GLS: variants seen among roughly 807,000 people sequenced by gnomAD.
GLS encodes glutaminase kidney isoform, mitochondrial.
In GLS, 36 loss-of-function variants were observed where a neutral mutation model predicts 86.7. The observed-to-expected ratio is 0.42, with a 90% CI of 0.32 to 0.55. The LOEUF (loss-of-function observed/expected upper bound fraction) is 0.55, where lower values mean the gene tolerates loss of function less well. Ranked by LOEUF, GLS falls within the 20% of genes least tolerant of loss-of-function variation. GLS has a pLI of 0.17. For missense variants in GLS, 528 were observed against 833.4 expected, an observed-to-expected ratio of 0.63 and a Z score of 4.51; for synonymous variants, 317 against 305.9, an observed-to-expected ratio of 1.04 and a Z score of -0.38.
intron 7 of GLS, chr2:190,919,975 C>T (rs1270293648): frequency 1.3e-5 from 2 of 151,944 alleles, no homozygotes; most frequent in Admixed American, 1.3e-4. Flanking sequence ...TTGTCAGCCA[C>T]ACTCTAATCC....
chr2:190,885,834 A>G (rs1688360953), intron 1 of GLS, among the ~76,000 whole-genome samples: 1 of 151,342 alleles, frequency 6.6e-6, no homozygotes, highest in Non-Finnish European at 1.5e-5. Context: ...GGTGATGATT[A>G]TCAGTGAGTT....
At position 190,949,504 on chromosome 2, in the gene GLS, G is replaced by A. The variant is rs1238035180; in HGVS notation, c.1651-4061G>A. The stretch of plus-strand genomic sequence containing the variant: ...AGGTCGGGAGTTTGGGACCAGCCTG[G>A]CCAACCTAGTGAAACCCCGTCTCTA... On this transcript the variant is annotated intron_variant, in intron 14 of 17. Transcript: ENST00000320717. This position sits in a 1 kb window ranked among gnomAD's most constrained non-coding sequence, Gnocchi z 4.0. Among the ~76,000 whole-genome samples the A allele has an allele frequency of 1.3e-5, 2 of 152,066 alleles. No homozygotes were observed. The highest frequency in any genetic ancestry group is 2.9e-5 in the Non-Finnish European group (2 of 67,996).
chr2:190,961,485 A>G (rs1574626619), intron 17 of GLS, among the ~76,000 whole-genome samples: 1 of 152,190 alleles, frequency 6.6e-6, no homozygotes, highest in Non-Finnish European at 1.5e-5. Flanking sequence ...GCATCACTGT[A>G]TCTGGCTGAA....
intron 14 of GLS, among the ~76,000 whole-genome samples, chr2:190,936,274 T>G (rs927616567): frequency 9.9e-5 from 15 of 151,146 alleles, no homozygotes; most frequent in African/African-American, 3.4e-4. Context: ...AAAGAACTGC[T>G]GAAATATACT....
rs373731383 is a variant in GLS, at chr2:190,954,729, C to G, written c.1790-26C>G. On this transcript the variant is annotated intron_variant, in intron 16 of 17. Coordinates refer to ENST00000320717, the MANE Select transcript of GLS (RefSeq NM_014905.5). This position sits in a 1 kb window ranked among gnomAD's most constrained non-coding sequence, Gnocchi z 4.0. ...TTTCTACTTAGTACTAAAATCTGCT[C>G]TTTTTTTGGGGGTGGGACGGTATAG... 1 of 1,613,504 alleles carries G rather than the reference C, an allele frequency of 6.2e-7. No homozygotes were observed. Among genetic ancestry groups the G allele is most frequent in the East Asian group, 2.2e-5 (1 of 44,858 alleles).
At chr2:190,907,350 C>T (rs996127335) in intron 6 of GLS, among the ~76,000 whole-genome samples, 5 of 152,052 alleles carry the variant, frequency 3.3e-5, no homozygotes, top group South Asian at 2.1e-4. Flanking sequence ...CTCCGCCTCC[C>T]GGGTTCAAGC....
chr2:190,891,538 TA>T (rs982049358), intron 1 of GLS, among the ~76,000 whole-genome samples: 1 of 151,964 alleles, frequency 6.6e-6, no homozygotes, highest in African/African-American at 2.4e-5. Flanking sequence ...TGGGGAATTA[TA>T]AGGATTAAGT....
intron 1 of GLS, 46 bp downstream of exon 1, chr2:190,881,516 C>G: frequency 6.6e-7 from 1 of 1,517,086 alleles, no homozygotes; most frequent in Non-Finnish European, 8.9e-7. Flanking sequence ...CTTTCGGGGC[C>G]CGGGCTCAGG....
intron 14 of GLS, among the ~76,000 whole-genome samples, chr2:190,940,194 A>G (rs551245649): frequency 1.3e-5 from 2 of 152,060 alleles, no homozygotes; most frequent in African/African-American, 2.4e-5. Flanking sequence ...AAGTATATGC[A>G]TCATTGATCC....
chr2:190,906,707 T>C (rs1558974442), intron 6 of GLS, among the ~76,000 whole-genome samples: 1 of 152,180 alleles, frequency 6.6e-6, no homozygotes, highest in African/African-American at 2.4e-5. Context: ...GAGTCCTGAT[T>C]TAGTTTAGCC....
intron 14 of GLS, among the ~76,000 whole-genome samples, chr2:190,939,442 A>G (rs1690365406): frequency 1.3e-5 from 2 of 151,638 alleles, no homozygotes; most frequent in South Asian, 4.1e-4. Flanking sequence ...TTCAGTATAA[A>G]CTCATTCAAT....
intron 1 of GLS, among the ~76,000 whole-genome samples, chr2:190,887,784 CGCAT>C (rs1559314168): frequency 6.6e-6 from 1 of 152,052 alleles, no homozygotes; most frequent in Non-Finnish European, 1.5e-5. Flanking sequence ...TGGAGAAAAA[CGCAT>C]GTTCAACATT....
At chr2:190,898,539 T>C (rs1453750806) in intron 3 of GLS, among the ~76,000 whole-genome samples, 1 of 152,244 alleles carries the variant, frequency 6.6e-6, no homozygotes, top group Non-Finnish European at 1.5e-5. Flanking sequence ...CCTGTTAATA[T>C]TACCAGTGAA....
rs1277693632 is a variant in GLS, at chr2:190,914,644, G to A, written c.1038+4323G>A. ...AGAGTATTTCACAAAATCGTTTTTA[G>A]TTACCTCTTTTTGCCTTTTTCCTCT... On this transcript the variant is annotated intron_variant, in intron 7 of 17. Transcript: ENST00000320717. The surrounding 1 kb of genome is among the most constrained non-coding windows in gnomAD (Gnocchi z 4.4). Among the ~76,000 whole-genome samples the A allele has an allele frequency of 1.3e-5, 2 of 151,688 alleles. No homozygotes were observed. The highest frequency in any genetic ancestry group is 4.8e-5 in the African/African-American group (2 of 41,264).
chr2:190,932,446 A>G (rs1464287324), intron 14 of GLS, among the ~76,000 whole-genome samples: 1 of 151,914 alleles, frequency 6.6e-6, no homozygotes, highest in Admixed American at 6.6e-5. Flanking sequence ...AATATTTTTA[A>G]TACATACTAA....
rs1476100166 is a variant in GLS, at chr2:190,943,717, T to G, written c.1651-9848T>G. Among the ~76,000 whole-genome samples, 1 of 152,196 alleles carries G rather than the reference T, an allele frequency of 6.6e-6. No individual in the cohort carries two copies. The highest frequency in any genetic ancestry group is 1.5e-5 in the Non-Finnish European group (1 of 68,030). On this transcript the variant is annotated intron_variant, in intron 14 of 17. Transcript: ENST00000320717. The surrounding 1 kb of genome is among the most constrained non-coding windows in gnomAD (Gnocchi z 4.5). ...TATGTAATTTGAATAATAAAGTGGC[T>G]ATGAAAGTGCTTTGAAAAGTTACAG...
intron 12 of GLS, 31 bp downstream of exon 12, chr2:190,927,513 G>T (rs1195641344): frequency 1.3e-6 from 2 of 1,489,602 alleles, no homozygotes; most frequent in Admixed American, 1.8e-5. Flanking sequence ...ATTTTCTCTG[G>T]CAAGAAACTA....
At chr2:190,926,302 T>C (rs948865650) in intron 11 of GLS, among the ~76,000 whole-genome samples, 3 of 152,208 alleles carry the variant, frequency 2.0e-5, no homozygotes, top group Non-Finnish European at 4.4e-5. Flanking sequence ...TGGGGCAGTA[T>C]TGCAAGTCGA....
intron 7 of GLS, among the ~76,000 whole-genome samples, chr2:190,917,634 G>A (rs1157222258): frequency 6.6e-6 from 1 of 152,146 alleles, no homozygotes; most frequent in Non-Finnish European, 1.5e-5. Context: ...TTCTTAAATA[G>A]TAAGACTTGA....
Sources: gnomAD v4.1 joint callset for allele counts (sites outside exome capture counted in the v4.1 genomes callset) on GRCh38, gnomAD v4.1.1 for gene constraint, Gnocchi (gnomAD v3.1) non-coding constraint, MANE v1.5 for transcripts, NCBI Gene and HGNC (gene_info 2026-07-23, HGNC 2026-07-21) for gene names.